Variants in FBXO3 observed in about 807,000 individuals in gnomAD.
FBXO3 encodes F-box protein 3, also known as F-box only protein 3.
FBXO3 carries 17 observed loss-of-function variants against 64.8 expected under a neutral mutation model. The ratio of observed to expected loss-of-function variants is 0.26; its 90% confidence interval spans 0.18 to 0.39. The LOEUF (loss-of-function observed/expected upper bound fraction) is 0.39, where lower values mean the gene tolerates loss of function less well. Among genes scored for constraint, FBXO3 ranks in the 10% least tolerant of loss-of-function variants. The pLI is 1.00. For missense variants in FBXO3, 420 were observed against 589.9 expected, an observed-to-expected ratio of 0.71 and a Z score of 2.98; for synonymous variants, 182 against 201.6, an observed-to-expected ratio of 0.90 and a Z score of 0.82.
intron 4 of FBXO3, among the ~76,000 whole-genome samples, chr11:33,756,445 T>C (rs76928082): frequency 0.043 from 6,480 of 152,290 alleles, 417 homozygotes; most frequent in African/African-American, 0.13. Flanking sequence ...GCCTGGGGTA[T>C]AGATTAATCT....
intron 3 of FBXO3, among the ~76,000 whole-genome samples, chr11:33,766,997 A>G (rs1271507531): frequency 8.6e-5 from 9 of 104,754 alleles, no homozygotes; most frequent in Non-Finnish European, 1.8e-4. Flanking sequence ...CCAAAAAAAA[A>G]AAAAGAAAAA....
At chr11:33,767,083 C>T (rs1283223199) in intron 3 of FBXO3, among the ~76,000 whole-genome samples, 1 of 151,968 alleles carries the variant, frequency 6.6e-6, no homozygotes, top group Non-Finnish European at 1.5e-5. Context: ...AGCTCTGAGC[C>T]TAAGAGCAGA....
Position 33,751,566 on chromosome 11 carries a change from C to T in FBXO3, c.766G>A (p.Val256Ile), listed in dbSNP as rs1854958025. The T allele has an allele frequency of 1.2e-6, 2 of 1,607,936 alleles. No individual in the cohort carries two copies. The highest frequency in any genetic ancestry group is 1.7e-5 in the Admixed American group (1 of 59,070). Residue 256 changes from valine (V) to isoleucine (I), a missense_variant, in exon 7 of 11, where the codon GTT (valine) becomes ATT (isoleucine). By Grantham distance (29) the Val-to-Ile change is conservative. Around this residue, in one of 3 missense-constraint regions of FBXO3, gnomAD observed 337 missense variants for 518.4 expected, o/e 0.65. Coordinates refer to ENST00000265651, the MANE Select transcript of FBXO3 (RefSeq NM_012175.4). ...ATGATGGGGAAGCCACCTGATACAA[C>T]ATTTTTGACATAAGAGGTAAACCAG... ...TDWFTSYVKNVVSGGFPIIRD... is the reference protein window; with the variant it reads ...TDWFTSYVKNIVSGGFPIIRD...
rs77087469 is a variant in FBXO3 at position 33,754,213 on chromosome 11, G to A, written c.724+242C>T. 5.1e-3 allele frequency: 1,964 copies of A among 384,544 alleles called. 35 individuals carry two copies. Among genetic ancestry groups the A allele is most frequent in the African/African-American group, 0.038 (1,831 of 48,090 alleles). The allele number at this position is 384,544 out of a possible 1,614,324, so 23.8% of individuals were successfully genotyped here. On this transcript the variant is annotated intron_variant, in intron 6 of 10. Transcript: ENST00000265651. ...CTTCTACATATTTCATTGCCTTATAGAAGAGTCCTCAGAGCATGAGATTGT... is the reference window on the plus strand; with the variant it reads ...CTTCTACATATTTCATTGCCTTATAAAAGAGTCCTCAGAGCATGAGATTGT...
chr11:33,745,232 CA>C (rs1854785965), intron 10 of FBXO3: 1 of 148,172 alleles, frequency 6.7e-6, no homozygotes, highest in Non-Finnish European at 1.5e-5. Flanking sequence ...AAAAGAGAAA[CA>C]AAAAACTATA....
In FBXO3 at chr11:33,758,523, T is replaced by C. The variant is rs1479612649; in HGVS notation, c.437A>G (p.Tyr146Cys). Residue 146 changes from tyrosine (Y) to cysteine (C), a missense_variant, in exon 4 of 11, where the codon TAC becomes TGC. This residue lies in a region of FBXO3 where 337 missense variants were observed against 518.4 expected (regional missense o/e 0.65). Transcript: ENST00000265651. ...CKLPDDYRCS[Y>C]RIHNGQKLVV... Reference sequence around the variant, plus strand: ...TAACTTCTGTCCATTGTGAATTCGGTATGAACATCGATAATCGTCAGGAAG... The same window carrying C: ...TAACTTCTGTCCATTGTGAATTCGGCATGAACATCGATAATCGTCAGGAAG... 6.2e-7 allele frequency: 1 copy of C among 1,608,598 alleles called. No homozygotes were observed. The highest frequency in any genetic ancestry group is 1.7e-5 in the Admixed American group (1 of 59,754).
intron 9 of FBXO3, 37 bp downstream of exon 9, chr11:33,748,740 G>T: frequency 7.7e-7 from 1 of 1,292,722 alleles, no homozygotes; most frequent in South Asian, 1.2e-5. Flanking sequence ...TTTCTTCTAA[G>T]GAATTAATGT....
intron 8 of FBXO3, among the ~76,000 whole-genome samples, chr11:33,749,578 G>A (rs1471763018): frequency 6.6e-6 from 1 of 152,036 alleles, no homozygotes; most frequent in African/African-American, 2.4e-5. Context: ...TGTCCAGGCT[G>A]GTCTTGAACT....
chr11:33,758,378 T>A (rs1855160373), intron 4 of FBXO3, 109 bp downstream of exon 4: 1 of 651,134 alleles, frequency 1.5e-6, no homozygotes. Flanking sequence ...AAGAGGGAAT[T>A]CCCATGCTTC....
intron 10 of FBXO3, chr11:33,745,285 T>C (rs1197097151): frequency 2.7e-5 from 4 of 146,756 alleles, no homozygotes; most frequent in East Asian, 4.0e-4. Context: ...CACTTGTTGA[T>C]AGGACAAAGA....
At chr11:33,764,196 C>T (rs1162477575) in intron 3 of FBXO3, among the ~76,000 whole-genome samples, 1 of 152,160 alleles carries the variant, frequency 6.6e-6, no homozygotes, top group Non-Finnish European at 1.5e-5. Flanking sequence ...AATGAACAAA[C>T]TCTGTTACAC....
chr11:33,752,784 T>G (rs1854994794), intron 6 of FBXO3, among the ~76,000 whole-genome samples: 1 of 139,030 alleles, frequency 7.2e-6, no homozygotes, highest in Non-Finnish European at 1.7e-5. Flanking sequence ...ACTAGTACTT[T>G]CTCTGAAAGA....
At position 33,747,265 on chromosome 11, in the gene FBXO3, T is replaced by C; in HGVS notation, c.1104A>G (p.Thr368=). ...GRVYEYTSCT[T]FSTTSGYMEG... Reference sequence around the variant, plus strand: ...CCATGTATCCTGATGTTGTAGAGAATGTGGTACAGCTTGTGTATTCATATA... The same window carrying C: ...CCATGTATCCTGATGTTGTAGAGAACGTGGTACAGCTTGTGTATTCATATA... The change falls in exon 10 of 11, where the codon ACA becomes ACG. Residue 368 remains threonine, a synonymous_variant. Coordinates refer to ENST00000265651, the MANE Select transcript of FBXO3 (RefSeq NM_012175.4). 6.2e-7 allele frequency: 1 copy of C among 1,613,584 alleles called. No individual in the cohort carries two copies.
chr11:33,758,276 T>C (rs182893156), intron 4 of FBXO3, among the ~76,000 whole-genome samples: 200 of 152,324 alleles, frequency 1.3e-3, no homozygotes, highest in Non-Finnish European at 1.0e-3. Flanking sequence ...TACAAATATA[T>C]TGATAAAAAT....
chr11:33,762,638 T>C (rs1855270461), intron 3 of FBXO3, among the ~76,000 whole-genome samples: 1 of 151,494 alleles, frequency 6.6e-6, no homozygotes, highest in African/African-American at 2.4e-5. Context: ...GACAAACTAA[T>C]GTGCTTAGTG....
At chr11:33,768,158 G>GA (rs1339527624) in intron 3 of FBXO3, among the ~76,000 whole-genome samples, 2 of 152,008 alleles carry the variant, frequency 1.3e-5, no homozygotes, top group Admixed American at 6.5e-5. Flanking sequence ...GTAGAAATCT[G>GA]AAAAAAACTT....
chr11:33,769,017 A>G lies in FBXO3; in HGVS notation c.195-3T>C. On this transcript the variant is annotated splice_polypyrimidine_tract_variant and splice_region_variant and intron_variant, in intron 2 of 10. Transcript: ENST00000265651. ...GATTCTTCTGTGTTTTCTCTTCCCT[A>G]AATAGATGAAAAACATGAGATTTTA... 1 of 1,592,578 alleles carries G rather than the reference A, an allele frequency of 6.3e-7. No homozygotes were observed. The highest frequency in any genetic ancestry group is 8.5e-7 in the Non-Finnish European group (1 of 1,172,534).
intron 10 of FBXO3, chr11:33,742,858 G>A (rs1249299713): frequency 6.6e-6 from 1 of 152,174 alleles, no homozygotes; most frequent in East Asian, 1.9e-4. Context: ...GTGGGTTGGT[G>A]TTTGGGAAGT....
intron 9 of FBXO3, among the ~76,000 whole-genome samples, chr11:33,748,476 TC>T (rs1854872058): frequency 6.6e-6 from 1 of 152,000 alleles, no homozygotes; most frequent in African/African-American, 2.4e-5. Context: ...TTTTAACATT[TC>T]CCCCCAAGCT....
Sources: allele counts gnomAD v4.1 joint callset (sites outside exome capture counted in the v4.1 genomes callset), GRCh38; gene constraint gnomAD v4.1.1; regional missense constraint gnomAD v4.1.1; transcripts MANE v1.5; gene names NCBI Gene and HGNC (gene_info 2026-07-23, HGNC 2026-07-21).